The following TESPA1 variants were observed in gnomAD, a reference collection of about 807,000 sequenced individuals.
The protein encoded by TESPA1 is protein TESPA1.
Under a neutral mutation model 57.9 loss-of-function variants are expected in TESPA1, and 33 were observed. The observed-to-expected ratio is 0.57, with a 90% CI of 0.43 to 0.76. The LOEUF (loss-of-function observed/expected upper bound fraction) is 0.76, where lower values mean the gene tolerates loss of function less well. TESPA1 is among the 30% of genes least tolerant of loss of function. The probability of loss-of-function intolerance (pLI) is 0.00; values close to 1 mark genes in which losing one functional copy is unlikely to be tolerated. For synonymous variants in TESPA1, 227 were observed against 228.9 expected, an observed-to-expected ratio of 0.99 and a Z score of 0.07; for missense variants, 618 against 632.9, an observed-to-expected ratio of 0.98 and a Z score of 0.25.
rs1592275655 is a variant in TESPA1, at chr12:54,948,127, A to G, written c.*2265T>C. 1 of 152,196 alleles carries G rather than the reference A, an allele frequency of 6.6e-6. No individual in the cohort carries two copies. 9.4% of individuals were successfully genotyped at this position (152,196 alleles called of 1,614,324 possible). A position where few individuals can be genotyped will look rare whatever the true frequency, so the allele number is the denominator to read the frequency against. ...GCTGTTTTATAGGATTTAGGTAGGT[A>G]GTGGAAAATTACAGTCAAAGGGGAT... On this transcript the variant is annotated 3_prime_UTR_variant, in exon 11 of 11. Coordinates refer to ENST00000449076, the MANE Select transcript of TESPA1 (RefSeq NM_001136030.3).
At chr12:54,957,548 T>TA (rs1950808436) in intron 10 of TESPA1, among the ~76,000 whole-genome samples, 3 of 152,276 alleles carry the variant, frequency 2.0e-5, no homozygotes, top group Admixed American at 2.0e-4. Flanking sequence ...TGAGATTTCT[T>TA]AAAGGGTAAT....
At chr12:54,980,465 A>G (rs751616295) in intron 1 of TESPA1, among the ~76,000 whole-genome samples, 14 of 152,206 alleles carry the variant, frequency 9.2e-5, no homozygotes, top group Admixed American at 2.0e-4. Context: ...GGCATTCAGA[A>G]TATTTCATAA....
At chr12:54,975,716 TAAG>T (rs1229183705) in intron 1 of TESPA1, among the ~76,000 whole-genome samples, 2 of 151,824 alleles carry the variant, frequency 1.3e-5, no homozygotes, top group African/African-American at 2.4e-5. Context: ...TAAAATAAAA[TAAG>T]AAGACTACCA....
chr12:54,971,370 A>G (rs1391616667), intron 3 of TESPA1, among the ~76,000 whole-genome samples: 1 of 152,208 alleles, frequency 6.6e-6, no homozygotes, highest in African/African-American at 2.4e-5. Flanking sequence ...TATCTTCTTC[A>G]TTAGCTATTA....
At chr12:54,953,934 C>T (rs11171190) in intron 10 of TESPA1, among the ~76,000 whole-genome samples, 31,254 of 152,180 alleles carry the variant, frequency 0.21, 5,467 homozygotes, top group East Asian at 0.84. Flanking sequence ...ATTACTGATT[C>T]TCTTGTCATG....
Position 54,949,969 on chromosome 12 carries a change from CT to C in TESPA1, c.*422del, listed in dbSNP as rs1950281935. The C allele has an allele frequency of 1.0e-5, 2 of 192,694 alleles. No homozygotes were observed. Among genetic ancestry groups the C allele is most frequent in the Admixed American group, 1.1e-4 (2 of 17,608 alleles). The allele number at this position is 192,694 out of a possible 1,614,324, so 11.9% of individuals were successfully genotyped here. On this transcript the variant is annotated 3_prime_UTR_variant, in exon 11 of 11. Transcript: ENST00000449076. Reference sequence around the variant, plus strand: ...GTGTCCTTCCTCTCTTCACTTGGGCCTTTTGAAAGTATTAGAAAAAAACTTG... The same window carrying C: ...GTGTCCTTCCTCTCTTCACTTGGGCCTTTGAAAGTATTAGAAAAAAACTTG...
rs1329349444 is a variant in TESPA1 at position 54,961,132 on chromosome 12, C to G, written c.*1+36G>C. 5 of 1,610,592 alleles carry G rather than the reference C, an allele frequency of 3.1e-6. No individual in the cohort carries two copies. In the South Asian group the frequency reaches 5.5e-5, roughly 18 times the overall value. ...TTCCTCATTTGATTACAATGTGCAG[C>G]CAGGTTTGAGAACTGCCTGAGAGAG... On this transcript the variant is annotated intron_variant, in intron 10 of 10. Coordinates refer to ENST00000449076, the MANE Select transcript of TESPA1 (RefSeq NM_001136030.3).
In TESPA1 at chr12:54,977,637, A is replaced by G. The variant is rs115385386; in HGVS notation, c.-45-3030T>C. On this transcript the variant is annotated intron_variant, in intron 1 of 10. Transcript: ENST00000449076. ...AAGAAAGGCTTACAAATAAATGGCA[A>G]TTGCAGGTATGACAATAAAAAGACC... Among the ~76,000 whole-genome samples, 1,123 of 152,352 alleles carry G rather than the reference A, an allele frequency of 7.4e-3. 14 individuals carry two copies. The highest frequency in any genetic ancestry group is 0.025 in the African/African-American group (1,054 of 41,584).
In TESPA1 at chr12:54,973,457, A is replaced by G. The variant is rs2136186599; in HGVS notation, c.206+20T>C. On this transcript the variant is annotated intron_variant, in intron 3 of 10. Transcript: ENST00000449076. ...TCAACCATCAGCCACATACCACCCCATTGCCTGTCCAGCACTTACCCGCAA... is the reference window on the plus strand; with the variant it reads ...TCAACCATCAGCCACATACCACCCCGTTGCCTGTCCAGCACTTACCCGCAA... The G allele has an allele frequency of 6.2e-7, 1 of 1,613,928 alleles. No individual in the cohort carries two copies. Among genetic ancestry groups the G allele is most frequent in the Non-Finnish European group, 8.5e-7 (1 of 1,179,870 alleles).
Position 54,978,768 on chromosome 12 carries a change from T to C in TESPA1, c.-45-4161A>G, listed in dbSNP as rs143315375. Among the ~76,000 whole-genome samples, 85 of 152,314 alleles carry C rather than the reference T, an allele frequency of 5.6e-4. 1 individual carries two copies. Among genetic ancestry groups the C allele is most frequent in the Admixed American group, 5.2e-3 (79 of 15,306 alleles). On this transcript the variant is annotated intron_variant, in intron 1 of 10. Coordinates refer to ENST00000449076, the MANE Select transcript of TESPA1 (RefSeq NM_001136030.3). ...TTCCTCTCTAATCAAACGAATTCTTTCTACCCTTTAAGGGCCTACTTAAGT... is the reference window on the plus strand; with the variant it reads ...TTCCTCTCTAATCAAACGAATTCTTCCTACCCTTTAAGGGCCTACTTAAGT...
chr12:54,976,820 T>G (rs1451103290), intron 1 of TESPA1, among the ~76,000 whole-genome samples: 1 of 152,232 alleles, frequency 6.6e-6, no homozygotes, highest in Admixed American at 6.5e-5. Context: ...GAATCTATTT[T>G]ACATTCCTCC....
chr12:54,958,478 G>A (rs1397498037), intron 10 of TESPA1, among the ~76,000 whole-genome samples: 1 of 149,070 alleles, frequency 6.7e-6, no homozygotes, highest in East Asian at 2.0e-4. Flanking sequence ...AAGCTTAGGT[G>A]TAGATTTTTG....
intron 3 of TESPA1, among the ~76,000 whole-genome samples, chr12:54,972,904 T>G (rs1951922886): frequency 6.6e-6 from 1 of 152,160 alleles, no homozygotes; most frequent in South Asian, 2.1e-4. Context: ...CTTTTGTGTC[T>G]GGGTATACTG....
intron 9 of TESPA1, 32 bp downstream of exon 9, chr12:54,962,399 G>C (rs754716580): frequency 6.3e-7 from 1 of 1,593,802 alleles, no homozygotes; most frequent in East Asian, 2.2e-5. Flanking sequence ...GCCTTTCTCT[G>C]CCAGTCTCTC....
chr12:54,967,571 C>A (rs914870915), intron 4 of TESPA1, among the ~76,000 whole-genome samples: 2 of 152,008 alleles, frequency 1.3e-5, no homozygotes, highest in African/African-American at 4.8e-5. Context: ...TTATAAAGTT[C>A]TTTTCCTATA....
At chr12:54,984,811 T>C (rs1213534141), upstream of TESPA1, 1 of 152,382 alleles carries the variant, frequency 6.6e-6, no homozygotes, top group African/African-American at 2.4e-5. Context: ...AGTCCCCGCC[T>C]CCTGGCCCAG....
At chr12:54,969,045 A>ACACG (rs1555205047) in intron 3 of TESPA1, among the ~76,000 whole-genome samples, 1 of 115,826 alleles carries the variant, frequency 8.6e-6, no homozygotes, top group African/African-American at 3.8e-5. Context: ...ATATATATAT[A>ACACG]TGTGTGTGTG....
In TESPA1 at chr12:54,974,393, C is replaced by T; in HGVS notation, c.163+7G>A. On this transcript the variant is annotated splice_region_variant and intron_variant, in intron 2 of 10. Transcript: ENST00000449076. ...ACATAGACGCCTGTCTGATGTTCGT[C>T]TCTTACCTTCTTGGAAAACGTCATC... 6.3e-7 allele frequency: 1 copy of T among 1,596,462 alleles called. No individual in the cohort carries two copies. The highest frequency in any genetic ancestry group is 8.5e-7 in the Non-Finnish European group (1 of 1,171,584).
chr12:54,979,028 G>A (rs948861624), intron 1 of TESPA1, among the ~76,000 whole-genome samples: 1 of 152,178 alleles, frequency 6.6e-6, no homozygotes, highest in Admixed American at 6.5e-5. Flanking sequence ...ATTAGTATTC[G>A]TCATAGGACG....
Sources: allele counts gnomAD v4.1 joint callset (sites outside exome capture counted in the v4.1 genomes callset), GRCh38; gene constraint gnomAD v4.1.1; transcripts MANE v1.5; gene names NCBI Gene and HGNC (gene_info 2026-07-23, HGNC 2026-07-21).